NADSYN1: variants seen among roughly 807,000 people sequenced by gnomAD.
The protein encoded by NADSYN1 is glutamine-dependent NAD(+) synthetase.
NADSYN1 carries 80 observed loss-of-function variants against 99.3 expected under a neutral mutation model. That is an observed-to-expected ratio of 0.81 (90% confidence interval 0.67 to 0.97). The LOEUF is 0.97. Among genes scored for constraint, NADSYN1 ranks in the 50% least tolerant of loss-of-function variants. NADSYN1 has a pLI of 0.00. For synonymous variants in NADSYN1, 385 were observed against 372.1 expected (o/e 1.03, Z -0.40); for missense variants, 859 against 948.5 (o/e 0.91, Z 1.24).
intron 2 of NADSYN1, 78 bp from the exon 3 acceptor site, chr11:71,458,350 C>T: frequency 9.2e-7 from 1 of 1,087,324 alleles, no homozygotes; most frequent in Non-Finnish European, 1.4e-6. Context: ...CACGTTCAGA[C>T]TGGACTGGCC....
At chr11:71,469,019 A>G (rs1949610805) in intron 5 of NADSYN1, among the ~76,000 whole-genome samples, 1 of 152,244 alleles carries the variant, frequency 6.6e-6, no homozygotes, top group Non-Finnish European at 1.5e-5. Context: ...AAAGGAAGGC[A>G]CAGTGTGAAA....
chr11:71,484,613 A>T (rs1001998367), intron 15 of NADSYN1, 166 bp downstream of exon 15: 2 of 1,014,140 alleles, frequency 2.0e-6, no homozygotes, highest in African/African-American at 3.2e-5. Flanking sequence ...TGTATGCCTC[A>T]CTGAAGACGT....
At position 71,484,297 on chromosome 11, in the gene NADSYN1, TC is replaced by T. The variant is rs777526959; in HGVS notation, c.1320-13del. ...GTGCACATGCTGCCTTCAACGCCTA[TC>T]CTTCTCCTTCCAGCCACCACATCAG... On this transcript the variant is annotated splice_polypyrimidine_tract_variant and intron_variant, in intron 14 of 20. Transcript: ENST00000319023. 1.9e-6 allele frequency: 3 copies of T among 1,611,620 alleles called. No homozygotes were observed. The highest frequency in any genetic ancestry group is 2.5e-6 in the Non-Finnish European group (3 of 1,177,890).
At position 71,484,339 on chromosome 11, in the gene NADSYN1, A is replaced by C. The variant is rs1271896720; in HGVS notation, c.1347A>C (p.Pro449=). ...GSHHISLNID[P]AVKAVMGIFS... is the part of the protein sequence containing the mutation. ...ACCACATCAGTCTCAACATCGATCC[A>C]GCCGTGAAGGCCGTCATGGGCATCT... Residue 449 remains proline (P), a synonymous_variant, in exon 15 of 21, where the codon CCA becomes CCC. Transcript: ENST00000319023. 1.3e-5 allele frequency: 21 copies of C among 1,614,176 alleles called. No individual in the cohort carries two copies. The highest frequency in any genetic ancestry group is 1.7e-5 in the Non-Finnish European group (20 of 1,179,992).
chr11:71,476,089 A>G (rs1333999993), intron 9 of NADSYN1: 2 of 456,324 alleles, frequency 4.4e-6, no homozygotes, highest in Non-Finnish European at 4.4e-6. Flanking sequence ...CCAAGTGCAC[A>G]AATACAACAA....
intron 3 of NADSYN1, among the ~76,000 whole-genome samples, chr11:71,462,129 G>T (rs1792319): frequency 5.9e-5 from 9 of 152,052 alleles, no homozygotes; most frequent in African/African-American, 1.2e-4. Context: ...CCTGAAAGAC[G>T]GGTTCAGGCC....
intron 9 of NADSYN1, among the ~76,000 whole-genome samples, chr11:71,475,850 C>CA (rs1051215866): frequency 2.0e-5 from 3 of 152,172 alleles, no homozygotes; most frequent in Non-Finnish European, 2.9e-5. Context: ...GCTGGGACTA[C>CA]AGACCCATGC....
At chr11:71,460,472 T>C (rs965189210) in intron 3 of NADSYN1, among the ~76,000 whole-genome samples, 1 of 152,246 alleles carries the variant, frequency 6.6e-6, no homozygotes, top group African/African-American at 2.4e-5. Flanking sequence ...CATCTCAGCC[T>C]CCTGAGTACC....
chr11:71,473,777 C>G (rs551658600), intron 8 of NADSYN1, 91 bp downstream of exon 8: 32 of 914,032 alleles, frequency 3.5e-5, no homozygotes, highest in African/African-American at 3.4e-4. Flanking sequence ...GGGCTGGGCC[C>G]ACACACAATG....
intron 12 of NADSYN1, chr11:71,481,695 C>A (rs148082607): frequency 1.7e-6 from 1 of 601,440 alleles, no homozygotes; most frequent in Non-Finnish European, 3.0e-6. Context: ...TGCAGTTCGT[C>A]GGTGGAGTCA....
At chr11:71,463,510 G>T (rs1335973221) in intron 4 of NADSYN1, 25 bp downstream of exon 4, 1 of 1,607,104 alleles carries the variant, frequency 6.2e-7, no homozygotes, top group Non-Finnish European at 8.5e-7. Context: ...CCCACCCCGG[G>T]AGGGTGACTG....
intron 6 of NADSYN1, among the ~76,000 whole-genome samples, chr11:71,472,800 G>A (rs4616066): frequency 0.28 from 42,782 of 152,060 alleles, 6,521 homozygotes; most frequent in South Asian, 0.46. Context: ...ATCCCCAGGG[G>A]CTATGTTCTG....
At chr11:71,484,259 C>A in intron 14 of NADSYN1, 53 bp from the exon 15 acceptor site, 2 of 1,594,832 alleles carry the variant, frequency 1.3e-6, no homozygotes, top group South Asian at 1.1e-5. Flanking sequence ...CATGCGCACA[C>A]ACATGCACAC....
intron 10 of NADSYN1, chr11:71,479,998 G>A (rs1949694911): frequency 6.6e-6 from 1 of 152,366 alleles, no homozygotes; most frequent in East Asian, 1.9e-4. Context: ...CCACTGATGG[G>A]CATCGGGAAT....
At chr11:71,458,864 G>A in intron 3 of NADSYN1, 1 of 269,454 alleles carries the variant, frequency 3.7e-6, no homozygotes, top group Non-Finnish European at 7.4e-6. Flanking sequence ...ATCACAGGGA[G>A]CCCTGGGGCT....
intron 5 of NADSYN1, among the ~76,000 whole-genome samples, chr11:71,471,948 G>A (rs2120438722): frequency 6.7e-6 from 1 of 149,888 alleles, no homozygotes; most frequent in East Asian, 2.0e-4. Flanking sequence ...GCCTCTTGGT[G>A]GAGCTTCTTG....
intron 16 of NADSYN1, among the ~76,000 whole-genome samples, chr11:71,487,830 C>CAAAAAAAAAAAAAA (rs71049984): frequency 4.0e-4 from 32 of 79,920 alleles, no homozygotes; most frequent in Non-Finnish European, 6.0e-4. Context: ...GACTCCGTCT[C>CAAAAAAAAAAAAAA]AAAAAAAAAA....
At chr11:71,484,255 C>T (rs1949727278) in intron 14 of NADSYN1, 57 bp from the exon 15 acceptor site, 10 of 1,587,616 alleles carry the variant, frequency 6.3e-6, no homozygotes, top group South Asian at 5.7e-5. Flanking sequence ...CGCTCATGCG[C>T]ACACACATGC....
At chr11:71,494,634 T>C (rs1391196947) in intron 18 of NADSYN1, among the ~76,000 whole-genome samples, 4 of 152,160 alleles carry the variant, frequency 2.6e-5, no homozygotes. Flanking sequence ...CACTGAAACC[T>C]CCGCCTCCCG....
Sources: gnomAD v4.1 joint callset for allele counts (sites outside exome capture counted in the v4.1 genomes callset) on GRCh38, gnomAD v4.1.1 for gene constraint, MANE v1.5 for transcripts, NCBI Gene and HGNC (gene_info 2026-07-23, HGNC 2026-07-21) for gene names.